CLPB: variants seen among roughly 807,000 people sequenced by gnomAD.
The protein encoded by CLPB is mitochondrial disaggregase.
A neutral mutation model predicts 78.4 loss-of-function variants in CLPB; 40 were observed. The observed-to-expected ratio is 0.51, with a 90% CI of 0.40 to 0.66. The LOEUF (loss-of-function observed/expected upper bound fraction) is 0.66, where lower values mean the gene tolerates loss of function less well. Among genes scored for constraint, CLPB ranks in the 30% least tolerant of loss-of-function variants. CLPB has a pLI of 0.00. For synonymous variants in CLPB, 333 were observed against 348.0 expected (o/e 0.96, Z 0.48); for missense variants, 780 against 886.9 (o/e 0.88, Z 1.53).
At position 72,295,590 on chromosome 11, in the gene CLPB, A is replaced by G; in HGVS notation, c.1388T>C (p.Met463Thr). Residue 463 changes from methionine (M) to threonine (T), a missense_variant, in exon 12 of 16, where the codon ATG (methionine) becomes ACG (threonine). By Grantham distance (81) the Met-to-Thr change is moderately conservative. Around this residue, in one of 3 missense-constraint regions of CLPB, gnomAD observed 272 missense variants for 304.0 expected, o/e 0.89. Transcript: ENST00000538039. The stretch of plus-strand genomic sequence containing the variant: ...CTCGTCGCTGGCCACATTGGAGGTC[A>G]TGATGAAGATGGCGTCCTTGCAATC... Reference protein sequence around the residue: ...TIDCKDAIFIMTSNVASDEIA... With the variant: ...TIDCKDAIFITTSNVASDEIA... 1 of 1,614,164 alleles carries G rather than the reference A, an allele frequency of 6.2e-7. No individual in the cohort carries two copies. Among genetic ancestry groups the G allele is most frequent in the Non-Finnish European group, 8.5e-7 (1 of 1,180,024 alleles).
rs376835047 is a variant in CLPB, at chr11:72,295,501, C to T, written c.1477G>A (p.Glu493Lys). The change falls in exon 12 of 16, where the codon GAA becomes AAA. Residue 493 changes from glutamate (E) to lysine (K), a missense_variant. This residue lies in a region of CLPB where 272 missense variants were observed against 304.0 expected (regional missense o/e 0.89). Coordinates refer to ENST00000538039, the MANE Select transcript of CLPB (RefSeq NM_001258392.3). Reference sequence around the variant, plus strand: ...AGGTCAGCCGCCATACCCAGGTTTTCGGCAATACGGTTACGGCTCATCTCC... The same window carrying T: ...AGGTCAGCCGCCATACCCAGGTTTTTGGCAATACGGTTACGGCTCATCTCC... ...ALEMSRNRIAENLGDVQISDK... is the reference protein window; with the variant it reads ...ALEMSRNRIAKNLGDVQISDK... The T allele has an allele frequency of 4.5e-5, 73 of 1,613,976 alleles. No individual in the cohort carries two copies. The highest frequency in any genetic ancestry group is 2.4e-4 in the South Asian group (22 of 91,078).
chr11:72,341,474 G>A (rs893961902), intron 5 of CLPB, among the ~76,000 whole-genome samples: 27 of 152,240 alleles, frequency 1.8e-4, no homozygotes, highest in African/African-American at 6.5e-4. Context: ...AGAGTGAGAA[G>A]TGATTCACTT....
At chr11:72,420,098 C>T (rs1856148035) in intron 2 of CLPB, among the ~76,000 whole-genome samples, 1 of 152,152 alleles carries the variant, frequency 6.6e-6, no homozygotes, top group African/African-American at 2.4e-5. Context: ...GTAATCCCAG[C>T]ACTTTGGGAG....
chr11:72,359,366 G>T (rs1464818813), intron 4 of CLPB, among the ~76,000 whole-genome samples: 2 of 152,144 alleles, frequency 1.3e-5, no homozygotes, highest in African/African-American at 4.8e-5. Flanking sequence ...ATACCAGAAC[G>T]CCAGAAGAGA....
intron 4 of CLPB, among the ~76,000 whole-genome samples, chr11:72,368,293 C>T (rs1774269913): frequency 1.3e-5 from 2 of 152,154 alleles, no homozygotes; most frequent in African/African-American, 4.8e-5. Flanking sequence ...TCACTATGTG[C>T]CCAGGTACTG....
rs1405603635 is a variant in CLPB, at chr11:72,369,488, CAAG to C, written c.647-10483_647-10481del. The stretch of plus-strand genomic sequence containing the variant: ...GGATCCTCTGGGGCAGGGATGGCAA[CAAG>C]AAGAAGGTGGCAGCTCTTTGCCTCT... On this transcript the variant is annotated intron_variant, in intron 4 of 15. Transcript: ENST00000538039. Among the ~76,000 whole-genome samples the C allele has an allele frequency of 2.6e-5, 4 of 151,692 alleles. No homozygotes were observed. The East Asian group carries it at 7.8e-4, about 29-fold the overall frequency.
intron 4 of CLPB, among the ~76,000 whole-genome samples, chr11:72,364,901 G>GAACTTAAACAACTCAA (rs1950914174): frequency 6.6e-6 from 1 of 152,124 alleles, no homozygotes; most frequent in Non-Finnish European, 1.5e-5. Flanking sequence ...AGAGTCAATG[G>GAACTTAAACAACTCAA]CAAACCTAAT....
chr11:72,406,442 T>C (rs1855712881), intron 2 of CLPB, among the ~76,000 whole-genome samples: 1 of 152,176 alleles, frequency 6.6e-6, no homozygotes, highest in Non-Finnish European at 1.5e-5. Context: ...CAGACCCCGA[T>C]TTGAATTCTG....
intron 2 of CLPB, among the ~76,000 whole-genome samples, chr11:72,409,436 T>C (rs1855808978): frequency 1.3e-5 from 2 of 151,782 alleles, no homozygotes; most frequent in Non-Finnish European, 2.9e-5. Flanking sequence ...ATACAAAAAT[T>C]AGCCGGGCGT....
intron 2 of CLPB, among the ~76,000 whole-genome samples, chr11:72,409,074 G>A (rs888057894): frequency 3.3e-5 from 5 of 152,232 alleles, no homozygotes; most frequent in Non-Finnish European, 5.9e-5. Flanking sequence ...GAGATGATGA[G>A]TAGAATGCTT....
intron 3 of CLPB, among the ~76,000 whole-genome samples, chr11:72,389,027 C>A (rs1035770412): frequency 2.0e-5 from 3 of 152,148 alleles, no homozygotes; most frequent in African/African-American, 7.2e-5. Context: ...AGGTCAAGAA[C>A]TAGAGGGTGA....
chr11:72,397,651 G>A (rs1385276376), intron 3 of CLPB, among the ~76,000 whole-genome samples: 1 of 152,032 alleles, frequency 6.6e-6, no homozygotes, highest in Admixed American at 6.6e-5. Context: ...TCTCTTTTTC[G>A]ATGAAGCATC....
intron 5 of CLPB, chr11:72,352,583 A>C (rs1950633982): frequency 6.6e-6 from 1 of 152,262 alleles, no homozygotes; most frequent in African/African-American, 2.4e-5. Context: ...CATCTCCTAC[A>C]TCATGCTTTC....
At chr11:72,295,334 C>G (rs557514897) in intron 12 of CLPB, among the ~76,000 whole-genome samples, 158 bp downstream of exon 12, 1 of 152,288 alleles carries the variant, frequency 6.6e-6, no homozygotes, top group South Asian at 2.1e-4. Flanking sequence ...TCAACCCCCA[C>G]TACTTGGTAT....
chr11:72,389,516 T>C (rs1343269493), intron 3 of CLPB, among the ~76,000 whole-genome samples: 1 of 152,160 alleles, frequency 6.6e-6, no homozygotes, highest in Non-Finnish European at 1.5e-5. Context: ...TCTTAACAGT[T>C]GGATTAAAGG....
Position 72,396,853 on chromosome 11 carries a change from G to A in CLPB, c.542+6113C>T, listed in dbSNP as rs146452439. ...TAATACAAATTCTCAGTATGCCACT[G>A]GTCACAATTAATAATGAAAATTAGA... On this transcript the variant is annotated intron_variant, in intron 3 of 15. Transcript: ENST00000538039. Among the ~76,000 whole-genome samples, 909 of 152,152 alleles carry A rather than the reference G, an allele frequency of 6.0e-3. 13 individuals are homozygous for A. Among genetic ancestry groups the A allele is most frequent in the African/African-American group, 0.021 (870 of 41,492 alleles).
At chr11:72,370,125 G>A (rs1174526046) in intron 4 of CLPB, among the ~76,000 whole-genome samples, 1 of 152,082 alleles carries the variant, frequency 6.6e-6, no homozygotes, top group Non-Finnish European at 1.5e-5. Flanking sequence ...ATTTTGTGTG[G>A]TGTGTGGGAC....
At chr11:72,311,655 G>A (rs1949849768) in intron 7 of CLPB, among the ~76,000 whole-genome samples, 1 of 152,188 alleles carries the variant, frequency 6.6e-6, no homozygotes, top group Non-Finnish European at 1.5e-5. Flanking sequence ...CTGACTCCTT[G>A]GAAAACGTTC....
chr11:72,394,998 C>A (rs1855363595), intron 3 of CLPB, among the ~76,000 whole-genome samples: 2 of 152,284 alleles, frequency 1.3e-5, no homozygotes, highest in South Asian at 4.1e-4. Flanking sequence ...CCTTTGTGAG[C>A]CTATGCTCAC....
Sources: gnomAD v4.1 joint callset for allele counts (sites outside exome capture counted in the v4.1 genomes callset) on GRCh38, gnomAD v4.1.1 for gene constraint, gnomAD v4.1.1 regional missense constraint, MANE v1.5 for transcripts, NCBI Gene and HGNC (gene_info 2026-07-23, HGNC 2026-07-21) for gene names.